GPC5: variants seen among roughly 807,000 people sequenced by gnomAD.
GPC5 encodes glypican-5.
Under a neutral mutation model 53.9 loss-of-function variants are expected in GPC5, and 47 were observed. The ratio of observed to expected loss-of-function variants is 0.87; its 90% CI spans 0.69 to 1.11. The LOEUF is 1.11. Among genes scored for constraint, GPC5 ranks in the 50% most tolerant of loss-of-function variants. The pLI is 0.00. For missense variants in GPC5, 748 were observed against 713.1 expected, an observed-to-expected ratio of 1.05 and a Z score of -0.56; for synonymous variants, 286 against 263.3, an observed-to-expected ratio of 1.09 and a Z score of -0.84.
At chr13:91,981,758 G>A (rs569556259) in intron 6 of GPC5, among the ~76,000 whole-genome samples, 2 of 152,184 alleles carry the variant, frequency 1.3e-5, no homozygotes, top group African/African-American at 4.8e-5. Context: ...TAACCAAGAT[G>A]TTAATAATAA....
chr13:92,115,726 G>T (rs1312096601), intron 6 of GPC5, among the ~76,000 whole-genome samples: 1 of 152,086 alleles, frequency 6.6e-6, no homozygotes, highest in Non-Finnish European at 1.5e-5. Flanking sequence ...TTGTTACTGT[G>T]ACATATTGAA....
At chr13:92,122,421 C>T (rs755415216) in intron 6 of GPC5, among the ~76,000 whole-genome samples, 7 of 151,852 alleles carry the variant, frequency 4.6e-5, no homozygotes, top group Non-Finnish European at 1.0e-4. Context: ...GGTGTGAACA[C>T]GTAGCTCCGA....
intron 6 of GPC5, among the ~76,000 whole-genome samples, chr13:92,071,977 A>G (rs6492577): frequency 0.55 from 80,373 of 145,084 alleles, 22,568 homozygotes; most frequent in East Asian, 0.79. Flanking sequence ...TATATACATA[A>G]ATATGTATAT....
intron 6 of GPC5, among the ~76,000 whole-genome samples, chr13:91,952,302 C>T (rs774455926): frequency 6.6e-6 from 1 of 152,020 alleles, no homozygotes; most frequent in Non-Finnish European, 1.5e-5. Context: ...TAGATGTTAG[C>T]ACCACTTCAA....
intron 6 of GPC5, among the ~76,000 whole-genome samples, chr13:91,997,740 G>A (rs1266026723): frequency 6.6e-6 from 1 of 152,112 alleles, no homozygotes; most frequent in Non-Finnish European, 1.5e-5. Context: ...GGTTGGTCTT[G>A]AACTCCTGAC....
intron 4 of GPC5, among the ~76,000 whole-genome samples, chr13:91,748,354 A>G (rs1056832287): frequency 7.2e-5 from 11 of 152,204 alleles, no homozygotes; most frequent in African/African-American, 2.7e-4. Context: ...GCAACACACC[A>G]GAAAGGTCTC....
chr13:92,217,420 T>TC (rs1313318799), intron 7 of GPC5, among the ~76,000 whole-genome samples: 1 of 152,122 alleles, frequency 6.6e-6, no homozygotes, highest in Non-Finnish European at 1.5e-5. Context: ...CCTCTACCTT[T>TC]CCCCAGGTGA....
chr13:92,333,586 CT>C (rs2043302623), intron 7 of GPC5, among the ~76,000 whole-genome samples: 1 of 151,994 alleles, frequency 6.6e-6, no homozygotes, highest in African/African-American at 2.4e-5. Context: ...GAGGCATAGG[CT>C]TAAAAAAAGA....
intron 7 of GPC5, among the ~76,000 whole-genome samples, chr13:92,787,614 T>C (rs975950920): frequency 6.9e-6 from 1 of 144,922 alleles, no homozygotes; most frequent in Admixed American, 7.1e-5. Flanking sequence ...GGAGGGTCAC[T>C]TTGAGCTCAG....
At chr13:91,778,298 T>G (rs1429346566) in intron 5 of GPC5, among the ~76,000 whole-genome samples, 1 of 152,166 alleles carries the variant, frequency 6.6e-6, no homozygotes, top group African/African-American at 2.4e-5. Flanking sequence ...GAGTAGCCAG[T>G]TGAAGGGAGT....
intron 7 of GPC5, among the ~76,000 whole-genome samples, chr13:92,246,584 C>A (rs2042652501): frequency 6.6e-6 from 1 of 152,116 alleles, no homozygotes; most frequent in African/African-American, 2.4e-5. Flanking sequence ...AACTCATCAT[C>A]ATTTCCTACT....
chr13:92,124,749 TAAA>T (rs1012559961), intron 6 of GPC5, among the ~76,000 whole-genome samples: 1 of 151,094 alleles, frequency 6.6e-6, no homozygotes, highest in African/African-American at 2.4e-5. Flanking sequence ...AAGAGCAGGA[TAAA>T]AAAAAACTGT....
chr13:91,535,330 T>C (rs78988062), intron 2 of GPC5, among the ~76,000 whole-genome samples: 112 of 152,290 alleles, frequency 7.4e-4, no homozygotes, highest in East Asian at 4.1e-3. Flanking sequence ...GGTCCTCCAG[T>C]TGTCTTTGTC....
At chr13:92,298,338 A>G (rs917254268) in intron 7 of GPC5, among the ~76,000 whole-genome samples, 2 of 152,172 alleles carry the variant, frequency 1.3e-5, no homozygotes, top group African/African-American at 4.8e-5. Flanking sequence ...AGTTCTGTTC[A>G]GGAGGCTTCT....
At chr13:91,816,685 C>T (rs1439183687) in intron 5 of GPC5, among the ~76,000 whole-genome samples, 1 of 152,150 alleles carries the variant, frequency 6.6e-6, no homozygotes, top group African/African-American at 2.4e-5. Flanking sequence ...TTGAAAGCTA[C>T]ATAGAAGACG....
chr13:92,279,620 A>T (rs575000017), intron 7 of GPC5, among the ~76,000 whole-genome samples: 43 of 151,656 alleles, frequency 2.8e-4, no homozygotes, highest in African/African-American at 1.0e-3. Context: ...TTTTATTATT[A>T]TTATTATGAA....
rs183197832 is a variant in GPC5 at position 91,752,317 on chromosome 13, T to A, written c.1155-3978T>A. On this transcript the variant is annotated intron_variant, in intron 4 of 7. Transcript: ENST00000377067. ...CCAGGCTGGTCTCCAACTTCTAGGC[T>A]GAAGCAATCCTCCAGCCTCAGCCTC... 3.4e-3 allele frequency among the ~76,000 whole-genome samples: 511 copies of A among 152,342 alleles called. 2 individuals are homozygous for A. Among genetic ancestry groups the A allele is most frequent in the African/African-American group, 0.012 (486 of 41,582 alleles).
chr13:92,234,646 T>C (rs899657071), intron 7 of GPC5, among the ~76,000 whole-genome samples: 5 of 152,220 alleles, frequency 3.3e-5, no homozygotes, highest in South Asian at 4.1e-4. Context: ...ATTGTAAAAC[T>C]AGTAGAAGAT....
At chr13:92,370,946 C>T (rs980593918) in intron 7 of GPC5, among the ~76,000 whole-genome samples, 2 of 152,028 alleles carry the variant, frequency 1.3e-5, no homozygotes, top group East Asian at 1.9e-4. Flanking sequence ...GTCAGGAGTT[C>T]GAGACCAGCC....
Sources: gnomAD v4.1 joint callset for allele counts (sites outside exome capture counted in the v4.1 genomes callset) on GRCh38, gnomAD v4.1.1 for gene constraint, MANE v1.5 for transcripts, NCBI Gene and HGNC (gene_info 2026-07-23, HGNC 2026-07-21) for gene names.